The following SNX29 variants were observed in gnomAD, a reference collection of about 807,000 sequenced individuals.
SNX29 encodes the protein sorting nexin-29.
Under a neutral mutation model 102.1 loss-of-function variants are expected in SNX29, and 78 were observed. That is an observed-to-expected ratio of 0.76 (90% CI 0.64 to 0.92). The LOEUF (loss-of-function observed/expected upper bound fraction) is 0.92. Among genes scored for constraint, SNX29 ranks in the 40% least tolerant of loss-of-function variants. The pLI, the probability that SNX29 is intolerant of heterozygous loss-of-function variation, is 0.00. For synonymous variants in SNX29, 580 were observed against 414.5 expected, an observed-to-expected ratio of 1.40 and a Z score of -4.85; for missense variants, 1,280 against 1,061.7, an observed-to-expected ratio of 1.21 and a Z score of -2.86.
At chr16:12,014,787 C>A (rs1367521431) in intron 3 of SNX29, among the ~76,000 whole-genome samples, 1 of 150,598 alleles carries the variant, frequency 6.6e-6, no homozygotes, top group East Asian at 1.9e-4. Context: ...TTATGATTTA[C>A]CATTTAAAGA....
chr16:12,413,820 C>T (rs368962489), intron 18 of SNX29, among the ~76,000 whole-genome samples: 4 of 152,198 alleles, frequency 2.6e-5, no homozygotes, highest in African/African-American at 9.7e-5. Context: ...TCACTTACCG[C>T]TCCTAAATGG....
At chr16:12,207,586 C>G (rs904738999) in intron 14 of SNX29, among the ~76,000 whole-genome samples, 2 of 152,234 alleles carry the variant, frequency 1.3e-5, no homozygotes, top group East Asian at 1.9e-4. Context: ...TTTGCTGTTA[C>G]GTTTGTCTCA....
intron 15 of SNX29, among the ~76,000 whole-genome samples, chr16:12,296,178 A>T (rs1234378901): frequency 1.3e-5 from 2 of 152,256 alleles, no homozygotes; most frequent in Admixed American, 6.5e-5. Flanking sequence ...GGGAGATAAC[A>T]GATCTCAGTT....
chr16:12,263,634 T>A (rs140644346), intron 14 of SNX29, among the ~76,000 whole-genome samples: 2 of 152,220 alleles, frequency 1.3e-5, no homozygotes, highest in Non-Finnish European at 2.9e-5. Context: ...ATGTTACTTA[T>A]ATAATTTGAG....
chr16:12,536,249 A>C (rs574314967), intron 20 of SNX29, among the ~76,000 whole-genome samples: 1 of 152,068 alleles, frequency 6.6e-6, no homozygotes, highest in Admixed American at 6.5e-5. Context: ...TTTTTTATGC[A>C]TGAGAACTTG....
intron 20 of SNX29, among the ~76,000 whole-genome samples, chr16:12,547,204 G>T (rs151248465): frequency 3.3e-5 from 5 of 152,210 alleles, no homozygotes; most frequent in Admixed American, 6.5e-5. Flanking sequence ...AGTTTGACCC[G>T]AAGTGGAGAC....
chr16:12,145,937 A>G (rs1369565618), intron 13 of SNX29, among the ~76,000 whole-genome samples: 1 of 152,254 alleles, frequency 6.6e-6, no homozygotes, highest in African/African-American at 2.4e-5. Context: ...GCTAGATTCC[A>G]AAAAGTGAAA....
intron 19 of SNX29, among the ~76,000 whole-genome samples, chr16:12,485,596 C>T (rs961931556): frequency 6.6e-6 from 1 of 152,120 alleles, no homozygotes; most frequent in African/African-American, 2.4e-5. Context: ...ACACAGCCCT[C>T]GAGACGGCAG....
intron 20 of SNX29, among the ~76,000 whole-genome samples, chr16:12,563,938 A>C (rs557677138): frequency 6.6e-6 from 1 of 152,182 alleles, no homozygotes; most frequent in Admixed American, 6.5e-5. Context: ...CTAGACGCTG[A>C]TCTTGTTCAA....
At chr16:12,227,614 C>CTT (rs1425762702) in intron 14 of SNX29, among the ~76,000 whole-genome samples, 1 of 152,012 alleles carries the variant, frequency 6.6e-6, no homozygotes, top group Non-Finnish European at 1.5e-5. Context: ...AATGAGGTCT[C>CTT]TGAGGCCGGG....
intron 4 of SNX29, among the ~76,000 whole-genome samples, chr16:12,032,725 TA>T (rs1271551311): frequency 6.6e-6 from 1 of 152,042 alleles, no homozygotes; most frequent in Non-Finnish European, 1.5e-5. Context: ...ATTCTATGTT[TA>T]ATTATTTTTT....
chr16:12,224,734 A>G (rs975006255), intron 14 of SNX29, among the ~76,000 whole-genome samples: 1 of 152,188 alleles, frequency 6.6e-6, no homozygotes, highest in Non-Finnish European at 1.5e-5. Context: ...TTGTTTGGAT[A>G]GTAAGCAGGC....
intron 14 of SNX29, among the ~76,000 whole-genome samples, chr16:12,235,658 A>C (rs2077904333): frequency 6.6e-6 from 1 of 152,208 alleles, no homozygotes; most frequent in African/African-American, 2.4e-5. Flanking sequence ...CAGAGGAAAG[A>C]AGTGAAAAAA....
chr16:12,417,355 T>A (rs1034631383), intron 18 of SNX29, among the ~76,000 whole-genome samples: 1 of 152,208 alleles, frequency 6.6e-6, no homozygotes. Context: ...CAGGTGTCTT[T>A]CCTTGTTTCA....
At chr16:12,378,441 G>A (rs2082954661) in intron 16 of SNX29, among the ~76,000 whole-genome samples, 1 of 152,188 alleles carries the variant, frequency 6.6e-6, no homozygotes, top group Non-Finnish European at 1.5e-5. Flanking sequence ...CCTGAGGTCA[G>A]GAGTTCAAGA....
At chr16:12,315,996 G>A (rs955822498) in intron 15 of SNX29, among the ~76,000 whole-genome samples, 6 of 152,226 alleles carry the variant, frequency 3.9e-5, no homozygotes, top group African/African-American at 1.4e-4. Context: ...ATACACAACT[G>A]CGTAGCCAGG....
chr16:12,563,163 C>A (rs2078828048), intron 20 of SNX29, among the ~76,000 whole-genome samples: 1 of 151,158 alleles, frequency 6.6e-6, no homozygotes, highest in Non-Finnish European at 1.5e-5. Flanking sequence ...GGGGGGGCAA[C>A]TCTGGGCTCA....
In SNX29 at chr16:12,065,986, T is replaced by C. The variant is rs112846991; in HGVS notation, c.1244-3071T>C. The stretch of plus-strand genomic sequence containing the variant: ...CTTAAGGATGAGACGGTCTATGCTG[T>C]GTGCACCCCAGAGCGTCAGGCCCAC... On this transcript the variant is annotated intron_variant, in intron 9 of 20. Coordinates refer to ENST00000566228, the MANE Select transcript of SNX29 (RefSeq NM_032167.5). Among the ~76,000 whole-genome samples, 1,389 of 152,310 alleles carry C rather than the reference T, an allele frequency of 9.1e-3. 12 individuals carry two copies. Among genetic ancestry groups the C allele is most frequent in the South Asian group, 0.054 (260 of 4,822 alleles).
chr16:12,192,348 A>T (rs1024701289), intron 13 of SNX29, among the ~76,000 whole-genome samples: 6 of 152,148 alleles, frequency 3.9e-5, no homozygotes, highest in Admixed American at 1.3e-4. Context: ...ACTTGTCTCC[A>T]TGTGCACGGC....
Sources: gnomAD v4.1 joint callset for allele counts (sites outside exome capture counted in the v4.1 genomes callset) on GRCh38, gnomAD v4.1.1 for gene constraint, MANE v1.5 for transcripts, NCBI Gene and HGNC (gene_info 2026-07-23, HGNC 2026-07-21) for gene names.